Variants in CCDC171 observed in about 807,000 individuals in gnomAD.
The protein encoded by CCDC171 is coiled-coil domain containing 171.
A neutral mutation model predicts 168.2 loss-of-function variants in CCDC171; 177 were observed. The ratio of observed to expected loss-of-function variants is 1.05; its 90% CI spans 0.93 to 1.19. CCDC171 has a LOEUF of 1.19. Ranked by LOEUF, CCDC171 falls within the 50% of genes most tolerant of loss-of-function variation. The pLI, the probability that CCDC171 is intolerant of heterozygous loss-of-function variation, is 0.00. For synonymous variants in CCDC171, 687 were observed against 540.8 expected, an observed-to-expected ratio of 1.27 and a Z score of -3.75; for missense variants, 1,991 against 1,539.0, an observed-to-expected ratio of 1.29 and a Z score of -4.91.
chr9:15,622,794 C>G (rs1286062673), intron 6 of CCDC171, among the ~76,000 whole-genome samples: 1 of 152,136 alleles, frequency 6.6e-6, no homozygotes, highest in Non-Finnish European at 1.5e-5. Context: ...ACACAGCCAT[C>G]TAGTGGATGC....
chr9:16,065,531 A>G (rs528830191), downstream of CCDC171, among the ~76,000 whole-genome samples: 77 of 152,296 alleles, frequency 5.1e-4, no homozygotes, highest in African/African-American at 1.8e-3. Context: ...AAGTGGAGGA[A>G]GAGTTACAAA....
At chr9:15,561,794 G>C (rs2039323036) in intron 1 of CCDC171, among the ~76,000 whole-genome samples, 1 of 151,724 alleles carries the variant, frequency 6.6e-6, no homozygotes, top group African/African-American at 2.4e-5. Flanking sequence ...TGTGTCATCA[G>C]GGGCTGATAT....
intron 21 of CCDC171, among the ~76,000 whole-genome samples, chr9:15,786,262 A>C (rs1349869449): frequency 6.6e-6 from 1 of 152,174 alleles, no homozygotes; most frequent in Non-Finnish European, 1.5e-5. Context: ...TGTATTACTT[A>C]GTAATAGATT....
chr9:15,935,745 AATATG>A, intron 25 of CCDC171, among the ~76,000 whole-genome samples: 1 of 152,174 alleles, frequency 6.6e-6, no homozygotes, highest in East Asian at 1.9e-4. Context: ...TTTGATACTT[AATATG>A]TTAGGAATGT....
chr9:15,992,967 A>G (rs1362643632), intron 3 of CCDC171, among the ~76,000 whole-genome samples: 1 of 152,228 alleles, frequency 6.6e-6, no homozygotes, highest in Non-Finnish European at 1.5e-5. Context: ...ATGGAAGAAC[A>G]TTCCATGCTC....
chr9:15,785,455 TTAA>T (rs1321772390), intron 21 of CCDC171, among the ~76,000 whole-genome samples: 4 of 152,126 alleles, frequency 2.6e-5, no homozygotes, highest in Non-Finnish European at 5.9e-5. Context: ...TTCTGATATC[TTAA>T]TAATACTATT....
rs545079652 is a variant in CCDC171 at position 15,944,944 on chromosome 9, A to G, written c.3753+24522A>G. ...TGTGCACAATATGCAGGTTAGTTACATATGTATACATGTGCCATGCTGGTG... is the reference window on the plus strand; with the variant it reads ...TGTGCACAATATGCAGGTTAGTTACGTATGTATACATGTGCCATGCTGGTG... On this transcript the variant is annotated intron_variant, in intron 25 of 25. Transcript: ENST00000380701. 1.3e-4 allele frequency among the ~76,000 whole-genome samples: 19 copies of G among 149,972 alleles called. No individual in the cohort carries two copies. In the South Asian group the frequency reaches 2.5e-3, roughly 20 times the overall value.
At chr9:15,903,252 C>A (rs7043077) in intron 24 of CCDC171, among the ~76,000 whole-genome samples, 1 of 151,904 alleles carries the variant, frequency 6.6e-6, no homozygotes, top group Non-Finnish European at 1.5e-5. Flanking sequence ...GTCCCTGACC[C>A]CCGAGTAGCC....
chr9:15,775,113 A>T (rs555480374), intron 18 of CCDC171, among the ~76,000 whole-genome samples: 1 of 151,896 alleles, frequency 6.6e-6, no homozygotes, highest in African/African-American at 2.4e-5. Flanking sequence ...AATAAAAAAA[A>T]TTGCCCTCTG....
Position 15,677,382 on chromosome 9 carries a change from G to C in CCDC171, c.1077-1376G>C, listed in dbSNP as rs1400544645. ...AAAAAAGTTAACACTAGAATTGTCT[G>C]TGTTCCACCCCAGAGAAAATAATGT... On this transcript the variant is annotated intron_variant, in intron 9 of 25. Transcript: ENST00000380701. Among the ~76,000 whole-genome samples the C allele has an allele frequency of 2.0e-5, 3 of 152,210 alleles. No individual in the cohort carries two copies. The East Asian group carries it at 5.8e-4, about 29-fold the overall frequency.
intron 3 of CCDC171, 118 bp downstream of exon 3, chr9:15,571,877 G>A: frequency 1.2e-6 from 1 of 846,296 alleles, no homozygotes; most frequent in Non-Finnish European, 1.8e-6. Flanking sequence ...GGCTTAAAAA[G>A]GAAATTGTAA....
chr9:15,563,982 C>G lies in CCDC171; in HGVS notation c.-107C>G, dbSNP rs2132555615. Reference sequence around the variant, plus strand: ...TATCATTTACTATTTTAACAGACCTCAAATCATCTAACGTGAAGCCACAGA... The same window carrying G: ...TATCATTTACTATTTTAACAGACCTGAAATCATCTAACGTGAAGCCACAGA... On this transcript the variant is annotated 5_prime_UTR_variant, in exon 2 of 26. Transcript: ENST00000380701. 2.5e-6 allele frequency: 2 copies of G among 805,104 alleles called. No individual in the cohort carries two copies. The highest frequency in any genetic ancestry group is 5.1e-5 in the East Asian group (2 of 39,146). 49.9% of individuals were successfully genotyped at this position (805,104 alleles called of 1,614,324 possible). A position where few individuals can be genotyped will look rare whatever the true frequency, so the allele number is the denominator to read the frequency against.
Position 15,633,443 on chromosome 9 carries a change from T to A in CCDC171, c.822+10030T>A, listed in dbSNP as rs555807627. 1.3e-3 allele frequency among the ~76,000 whole-genome samples: 198 copies of A among 152,284 alleles called. 1 individual carries two copies. The highest frequency in any genetic ancestry group is 4.6e-3 in the African/African-American group (193 of 41,552). On this transcript the variant is annotated intron_variant, in intron 7 of 25. Transcript: ENST00000380701. ...AAAAAATGCTCACCGTCACTGGCCATCAGAGAAATGCAAATCAAAATCACA... is the reference window on the plus strand; with the variant it reads ...AAAAAATGCTCACCGTCACTGGCCAACAGAGAAATGCAAATCAAAATCACA...
chr9:16,026,060 G>A (rs548892776), intron 6 of CCDC171, among the ~76,000 whole-genome samples: 1 of 152,314 alleles, frequency 6.6e-6, no homozygotes, highest in African/African-American at 2.4e-5. Flanking sequence ...TCAACTGTAT[G>A]GTAAGGGAAG....
chr9:16,060,848 A>G (rs1833922776), exon 2 of CCDC171: 1 of 152,264 alleles, frequency 6.6e-6, no homozygotes, highest in Non-Finnish European at 1.5e-5. Context: ...TCAAAAGCCA[A>G]CACAAAATGA....
chr9:15,600,467 C>A (rs1173165401), intron 6 of CCDC171, among the ~76,000 whole-genome samples: 1 of 152,122 alleles, frequency 6.6e-6, no homozygotes, highest in African/African-American at 2.4e-5. Context: ...GGTGAACAGC[C>A]AATGTTGCTG....
downstream of CCDC171, among the ~76,000 whole-genome samples, chr9:15,978,758 A>G (rs1161246590): frequency 6.6e-6 from 1 of 152,210 alleles, no homozygotes; most frequent in Non-Finnish European, 1.5e-5. Context: ...TTCACGTAAC[A>G]TACAATGTAT....
At chr9:15,941,126 G>A (rs1037656066) in intron 25 of CCDC171, among the ~76,000 whole-genome samples, 3 of 151,834 alleles carry the variant, frequency 2.0e-5, no homozygotes, top group Non-Finnish European at 2.9e-5. Context: ...TCACCCAGCC[G>A]GCAGACTATT....
At chr9:15,964,794 C>T (rs73411573) in intron 25 of CCDC171, among the ~76,000 whole-genome samples, 7,436 of 152,132 alleles carry the variant, frequency 0.049, 634 homozygotes, top group African/African-American at 0.17. Flanking sequence ...GAGTCTCACT[C>T]TTGTCACCCA....
Sources: gnomAD v4.1 joint callset for allele counts (sites outside exome capture counted in the v4.1 genomes callset) on GRCh38, gnomAD v4.1.1 for gene constraint, MANE v1.5 for transcripts, NCBI Gene and HGNC (gene_info 2026-07-23, HGNC 2026-07-21) for gene names.